BNC2: variants seen among roughly 807,000 people sequenced by gnomAD.
BNC2 encodes zinc finger protein basonuclin-2.
Under a neutral mutation model 76.3 loss-of-function variants are expected in BNC2, and 20 were observed. The ratio of observed to expected loss-of-function variants is 0.26; its 90% CI spans 0.18 to 0.38. The LOEUF is 0.38. Ranked by LOEUF, BNC2 falls within the 10% of genes least tolerant of loss-of-function variation. The pLI, the probability that BNC2 is intolerant of heterozygous loss-of-function variation, is 1.00. For synonymous variants in BNC2, 582 were observed against 514.8 expected (o/e 1.13, Z -1.77); for missense variants, 1,382 against 1,399.8 (o/e 0.99, Z 0.20).
chr9:16,641,973 A>C (rs1041217433), intron 3 of BNC2, among the ~76,000 whole-genome samples: 5 of 152,160 alleles, frequency 3.3e-5, no homozygotes, highest in African/African-American at 1.2e-4. Context: ...ATATCTACTA[A>C]CGTACTGGTT....
chr9:16,618,544 T>C lies in BNC2; in HGVS notation c.331-35459A>G, dbSNP rs530166745. Among the ~76,000 whole-genome samples the C allele has an allele frequency of 3.9e-5, 6 of 152,130 alleles. No homozygotes were observed. The East Asian group carries it at 1.2e-3, about 29-fold the overall frequency. On this transcript the variant is annotated intron_variant, in intron 3 of 6. Coordinates refer to ENST00000380672, the MANE Select transcript of BNC2 (RefSeq NM_017637.6). The stretch of plus-strand genomic sequence containing the variant: ...GCAGCAAGATCTGTAAATTTCATCT[T>C]CAAAAAAGAGGAGTAGGACTTCACA...
At chr9:16,657,553 G>A (rs1206367455) in intron 3 of BNC2, among the ~76,000 whole-genome samples, 3 of 152,182 alleles carry the variant, frequency 2.0e-5, no homozygotes, top group African/African-American at 7.2e-5. Flanking sequence ...AGTTCTGAAT[G>A]GAAGTTGAGA....
At chr9:16,637,206 T>C (rs1018104855) in intron 3 of BNC2, among the ~76,000 whole-genome samples, 2 of 152,126 alleles carry the variant, frequency 1.3e-5, no homozygotes, top group Non-Finnish European at 2.9e-5. Flanking sequence ...AATCCCCATA[T>C]ATGAGCTCTT....
chr9:16,854,168 G>A lies in BNC2; in HGVS notation c.3+16478C>T, dbSNP rs137968552. Among the ~76,000 whole-genome samples, 436 of 152,200 alleles carry A rather than the reference G, an allele frequency of 2.9e-3. 3 individuals carry two copies. Among genetic ancestry groups the A allele is most frequent in the African/African-American group, 9.9e-3 (411 of 41,540 alleles). ...ATAGCAGATTATTCTTGATGTTCAAGTGTTTTAAAAGGAAGGAAAGATTGA... is the reference window on the plus strand; with the variant it reads ...ATAGCAGATTATTCTTGATGTTCAAATGTTTTAAAAGGAAGGAAAGATTGA... On this transcript the variant is annotated intron_variant, in intron 1 of 6. Coordinates refer to ENST00000380672, the MANE Select transcript of BNC2 (RefSeq NM_017637.6).
intron 1 of BNC2, among the ~76,000 whole-genome samples, chr9:16,765,412 G>A (rs987287975): frequency 3.9e-5 from 6 of 152,058 alleles, no homozygotes; most frequent in African/African-American, 1.4e-4. Context: ...CTAAATTTTG[G>A]TTTCTAAACA....
chr9:16,816,642 G>T (rs1462334619), intron 1 of BNC2, among the ~76,000 whole-genome samples: 2 of 152,164 alleles, frequency 1.3e-5, no homozygotes, highest in African/African-American at 4.8e-5. Context: ...GAAAAACTGG[G>T]AAATCACGGC....
intron 5 of BNC2, among the ~76,000 whole-genome samples, chr9:16,470,231 T>G (rs979719490): frequency 4.6e-5 from 7 of 151,982 alleles, no homozygotes; most frequent in Admixed American, 2.6e-4. Context: ...TCTCCTGACC[T>G]CATGATCCGC....
intron 3 of BNC2, among the ~76,000 whole-genome samples, chr9:16,602,163 G>A (rs1048971651): frequency 1.3e-5 from 2 of 152,146 alleles, no homozygotes; most frequent in African/African-American, 4.8e-5. Context: ...AATTGTAACT[G>A]AACTGGGCCA....
At chr9:16,860,664 G>C (rs1001913230) in intron 1 of BNC2, among the ~76,000 whole-genome samples, 2 of 152,108 alleles carry the variant, frequency 1.3e-5, no homozygotes, top group Admixed American at 1.3e-4. Flanking sequence ...GCATACCAAG[G>C]ACAGAAACAT....
intron 3 of BNC2, among the ~76,000 whole-genome samples, chr9:16,629,258 T>C (rs1229255044): frequency 6.6e-6 from 1 of 152,226 alleles, no homozygotes; most frequent in Admixed American, 6.5e-5. Context: ...AAAAATTATA[T>C]TAACATCACA....
chr9:16,549,654 A>G (rs968835544), intron 5 of BNC2, among the ~76,000 whole-genome samples: 1 of 152,240 alleles, frequency 6.6e-6, no homozygotes, highest in Admixed American at 6.5e-5. Flanking sequence ...ACATTACTTT[A>G]GAAGAATGGG....
At chr9:16,833,463 G>C (rs918878544) in intron 1 of BNC2, among the ~76,000 whole-genome samples, 1 of 151,954 alleles carries the variant, frequency 6.6e-6, no homozygotes, top group Non-Finnish European at 1.5e-5. Context: ...GGGAAGCCAA[G>C]AGCTTCGAGG....
chr9:16,681,822 C>A (rs911525053), intron 3 of BNC2, among the ~76,000 whole-genome samples: 1 of 152,112 alleles, frequency 6.6e-6, no homozygotes, highest in African/African-American at 2.4e-5. Flanking sequence ...GTACTTTGGG[C>A]AGGAATCCTT....
intron 4 of BNC2, among the ~76,000 whole-genome samples, chr9:16,559,934 A>G (rs934002186): frequency 6.6e-6 from 1 of 152,272 alleles, no homozygotes; most frequent in African/African-American, 2.4e-5. Flanking sequence ...AAGATTTGAC[A>G]AAGTACTGTG....
intron 5 of BNC2, among the ~76,000 whole-genome samples, chr9:16,530,614 T>C (rs1240832254): frequency 6.6e-6 from 1 of 152,244 alleles, no homozygotes; most frequent in Non-Finnish European, 1.5e-5. Flanking sequence ...ATGTAAACCA[T>C]AATGCTGAGA....
At chr9:16,695,814 A>C (rs1823322129) in intron 3 of BNC2, among the ~76,000 whole-genome samples, 1 of 152,068 alleles carries the variant, frequency 6.6e-6, no homozygotes. Flanking sequence ...TGCATTTTCA[A>C]ACTCTCACTA....
intron 1 of BNC2, among the ~76,000 whole-genome samples, chr9:16,808,547 G>A (rs1430397006): frequency 7.7e-6 from 1 of 129,628 alleles, no homozygotes; most frequent in African/African-American, 2.8e-5. Flanking sequence ...GTACTGCAGT[G>A]GTGTGACCAC....
chr9:16,666,034 A>G (rs971140697), intron 3 of BNC2, among the ~76,000 whole-genome samples: 2 of 152,182 alleles, frequency 1.3e-5, no homozygotes, highest in Non-Finnish European at 2.9e-5. Context: ...TTCAATGCAG[A>G]TATTTATTTG....
chr9:16,825,627 A>C (rs991469337), intron 1 of BNC2, among the ~76,000 whole-genome samples: 1 of 152,038 alleles, frequency 6.6e-6, no homozygotes, highest in Admixed American at 6.6e-5. Context: ...GAGGAGGAGG[A>C]GGGGAGGGTC....
Sources: gnomAD v4.1 joint callset for allele counts (sites outside exome capture counted in the v4.1 genomes callset) on GRCh38, gnomAD v4.1.1 for gene constraint, MANE v1.5 for transcripts, NCBI Gene and HGNC (gene_info 2026-07-23, HGNC 2026-07-21) for gene names.